ADGRD1: variants seen among roughly 807,000 people sequenced by gnomAD.
ADGRD1 encodes G-protein coupled receptor 133.
A neutral mutation model predicts 113.4 loss-of-function variants in ADGRD1; 77 were observed. That is an observed-to-expected ratio of 0.68 (90% confidence interval 0.57 to 0.82). The LOEUF (loss-of-function observed/expected upper bound fraction) is 0.82. Ranked by LOEUF, ADGRD1 falls within the 40% of genes least tolerant of loss-of-function variation. The pLI, the probability that ADGRD1 is intolerant of heterozygous loss-of-function variation, is 0.00. For synonymous variants in ADGRD1, 474 were observed against 475.0 expected (o/e 1.00, Z 0.03); for missense variants, 1,036 against 1,139.1 (o/e 0.91, Z 1.30).
intron 4 of ADGRD1, among the ~76,000 whole-genome samples, chr12:130,973,970 A>G (rs975609389): frequency 6.6e-6 from 1 of 152,196 alleles, no homozygotes; most frequent in Non-Finnish European, 1.5e-5. Context: ...GAAACCTTCA[A>G]TCAACGCTGG....
intron 2 of ADGRD1, among the ~76,000 whole-genome samples, chr12:130,958,943 A>G (rs1304505549): frequency 1.3e-5 from 2 of 152,184 alleles, no homozygotes; most frequent in Admixed American, 6.5e-5. Context: ...AGACCAAGCG[A>G]TTTGCTCAAG....
chr12:130,990,948 C>T, intron 6 of ADGRD1, 66 bp from the exon 7 acceptor site: 1 of 1,231,742 alleles, frequency 8.1e-7, no homozygotes, highest in Non-Finnish European at 1.2e-6. Context: ...TTAACAAGGA[C>T]AGGTCTTCCT....
rs1364494172 is a variant in ADGRD1, at chr12:131,045,664, A to G, written c.1474-31137A>G. Among the ~76,000 whole-genome samples the G allele has an allele frequency of 2.6e-5, 4 of 152,166 alleles. No individual in the cohort carries two copies. In the East Asian group the frequency reaches 5.8e-4, roughly 22 times the overall value. On this transcript the variant is annotated intron_variant, in intron 13 of 24. Transcript: ENST00000261654. ...TTTACAGTTGGGGAAACTGAGGCTCAGGGAAGTCACCATGCTGCCCAAATC... is the reference window on the plus strand; with the variant it reads ...TTTACAGTTGGGGAAACTGAGGCTCGGGGAAGTCACCATGCTGCCCAAATC...
intron 4 of ADGRD1, chr12:130,980,827 T>C (rs1425224478): frequency 6.6e-6 from 1 of 152,264 alleles, no homozygotes; most frequent in African/African-American, 2.4e-5. Flanking sequence ...CTAATTGTCA[T>C]AATTTACTGT....
Position 131,057,739 on chromosome 12 carries a change from A to G in ADGRD1, c.1474-19062A>G, listed in dbSNP as rs1005753001. 1.3e-5 allele frequency among the ~76,000 whole-genome samples: 2 copies of G among 152,166 alleles called. No homozygotes were observed. The highest frequency in any genetic ancestry group is 2.4e-5 in the African/African-American group (1 of 41,436). Reference sequence around the variant, plus strand: ...ATCTGCAAGGACCCCATTTCCAAATAGGGTCACATTCTGAGGGTTCTGGGG... The same window carrying G: ...ATCTGCAAGGACCCCATTTCCAAATGGGGTCACATTCTGAGGGTTCTGGGG... On this transcript the variant is annotated intron_variant, in intron 13 of 24. Transcript: ENST00000261654. This position sits in a 1 kb window ranked among gnomAD's most constrained non-coding sequence, Gnocchi z 4.2.
At chr12:131,020,458 A>G (rs1879199745) in intron 13 of ADGRD1, among the ~76,000 whole-genome samples, 1 of 152,238 alleles carries the variant, frequency 6.6e-6, no homozygotes, top group Admixed American at 6.5e-5. Flanking sequence ...GGCTGAGGTC[A>G]GGGAAGAGGT....
rs370478642 is a variant in ADGRD1, at chr12:131,044,872, C to T, written c.1473+30532C>T. On this transcript the variant is annotated intron_variant, in intron 13 of 24. Coordinates refer to ENST00000261654, the MANE Select transcript of ADGRD1 (RefSeq NM_198827.5). ...ATGAAACCGAAACCCGAAGAGCACG[C>T]CCGCCTCGCGCCGTATTCCACCGCG... 2.6e-5 allele frequency among the ~76,000 whole-genome samples: 4 copies of T among 152,390 alleles called. 1 individual carries two copies. Among genetic ancestry groups the T allele is most frequent in the African/African-American group, 7.2e-5 (3 of 41,598 alleles).
Position 131,060,905 on chromosome 12 carries a change from C to T in ADGRD1, c.1474-15896C>T, listed in dbSNP as rs1053115020. 1.1e-4 allele frequency among the ~76,000 whole-genome samples: 16 copies of T among 152,062 alleles called. No individual in the cohort carries two copies. Among genetic ancestry groups the T allele is most frequent in the African/African-American group, 1.9e-4 (8 of 41,392 alleles). On this transcript the variant is annotated intron_variant, in intron 13 of 24. Transcript: ENST00000261654. The surrounding 1 kb of genome is among the most constrained non-coding windows in gnomAD (Gnocchi z 4.4). ...GGCCTCCCAGGGGCTCAGTCCACCC[C>T]GCCCATGTTACCTGGATGGAGAACA...
rs376368433 is a variant in ADGRD1 at position 131,022,759 on chromosome 12, C to T, written c.1473+8419C>T. On this transcript the variant is annotated intron_variant, in intron 13 of 24. Transcript: ENST00000261654. This position sits in a 1 kb window ranked among gnomAD's most constrained non-coding sequence, Gnocchi z 4.6. Reference sequence around the variant, plus strand: ...CCTGGTGCCTTTGGTTGGAGAATGGCGTTTAGAAAGCAGGATTAGGGACAG... The same window carrying T: ...CCTGGTGCCTTTGGTTGGAGAATGGTGTTTAGAAAGCAGGATTAGGGACAG... The T allele has an allele frequency of 1.6e-4, 24 of 151,422 alleles. No individual in the cohort carries two copies. The highest frequency in any genetic ancestry group is 1.2e-3 in the East Asian group (6 of 5,138). The allele number at this position is 151,422 out of a possible 1,614,324, so 9.4% of individuals were successfully genotyped here.
At chr12:130,963,668 ATATT>A (rs1389559375) in intron 2 of ADGRD1, among the ~76,000 whole-genome samples, 1 of 151,182 alleles carries the variant, frequency 6.6e-6, no homozygotes, top group African/African-American at 2.4e-5. Flanking sequence ...TAGATGTGCC[ATATT>A]TATTTAGCCA....
chr12:131,015,082 T>C (rs1878398888), intron 13 of ADGRD1, among the ~76,000 whole-genome samples: 1 of 152,280 alleles, frequency 6.6e-6, no homozygotes, highest in Non-Finnish European at 1.5e-5. Context: ...TTGGTCAGAA[T>C]TAACACTAAA....
At chr12:131,045,144 C>T (rs1176531126) in intron 13 of ADGRD1, among the ~76,000 whole-genome samples, 1 of 152,236 alleles carries the variant, frequency 6.6e-6, no homozygotes, top group East Asian at 1.9e-4. Context: ...ACACCACCCG[C>T]GGGCGCATTG....
chr12:131,087,765 G>A (rs1007181332), intron 15 of ADGRD1, among the ~76,000 whole-genome samples: 4 of 152,158 alleles, frequency 2.6e-5, no homozygotes, highest in Non-Finnish European at 2.9e-5. Context: ...TCTTCTCCTG[G>A]CCTGCAGACC....
intron 13 of ADGRD1, among the ~76,000 whole-genome samples, chr12:131,016,491 C>G (rs1204378260): frequency 6.6e-6 from 1 of 152,266 alleles, no homozygotes; most frequent in Non-Finnish European, 1.5e-5. Flanking sequence ...GTGCACTCCA[C>G]AGGCTCAGCC....
At chr12:130,985,209 G>A (rs151275654) in intron 5 of ADGRD1, among the ~76,000 whole-genome samples, 271 of 151,826 alleles carry the variant, frequency 1.8e-3, no homozygotes, top group African/African-American at 6.3e-3. Context: ...AATGCGGGTC[G>A]TTTGTTTTCT....
chr12:131,127,395 G>T (rs950746610), intron 20 of ADGRD1, among the ~76,000 whole-genome samples: 4 of 152,278 alleles, frequency 2.6e-5, no homozygotes, highest in Non-Finnish European at 5.9e-5. Flanking sequence ...ACAGCTGAGA[G>T]GTCCGGGGCA....
intron 21 of ADGRD1, among the ~76,000 whole-genome samples, chr12:131,132,820 CAG>C (rs1349436845): frequency 6.6e-6 from 1 of 152,240 alleles, no homozygotes; most frequent in Non-Finnish European, 1.5e-5. Context: ...GCAGGGAATT[CAG>C]GGGCTTTGTG....
At chr12:131,111,831 AT>A (rs1243874639) in intron 18 of ADGRD1, among the ~76,000 whole-genome samples, 1 of 152,084 alleles carries the variant, frequency 6.6e-6, no homozygotes, top group Non-Finnish European at 1.5e-5. Context: ...CAGGGTCGTT[AT>A]GCATTCCTTT....
intron 13 of ADGRD1, among the ~76,000 whole-genome samples, chr12:131,038,940 C>T (rs1022581085): frequency 2.0e-5 from 3 of 152,226 alleles, no homozygotes; most frequent in Non-Finnish European, 2.9e-5. Context: ...AGGGTGGTTA[C>T]GGCCTCGAGT....
Sources: gnomAD v4.1 joint callset for allele counts (sites outside exome capture counted in the v4.1 genomes callset) on GRCh38, gnomAD v4.1.1 for gene constraint, Gnocchi (gnomAD v3.1) non-coding constraint, MANE v1.5 for transcripts, NCBI Gene and HGNC (gene_info 2026-07-23, HGNC 2026-07-21) for gene names.